The following DNAH6 variants were observed in gnomAD, a reference collection of about 807,000 sequenced individuals.
DNAH6 encodes the protein dynein axonemal heavy chain 6.
A neutral mutation model predicts 491.4 loss-of-function variants in DNAH6; 340 were observed. The ratio of observed to expected loss-of-function variants is 0.69; its 90% CI spans 0.63 to 0.76. The LOEUF (loss-of-function observed/expected upper bound fraction) is 0.76. DNAH6 is among the 30% of genes least tolerant of loss of function. DNAH6 has a pLI of 0.00. For missense variants in DNAH6, 4,443 were observed against 4,972.2 expected (o/e 0.89, Z 3.20); for synonymous variants, 1,603 against 1,686.1 (o/e 0.95, Z 1.21).
chr2:84,794,248 A>G (rs1234346986), intron 68 of DNAH6, among the ~76,000 whole-genome samples: 1 of 152,238 alleles, frequency 6.6e-6, no homozygotes, highest in Non-Finnish European at 1.5e-5. Context: ...AGGCATTACC[A>G]TTCAGGACAT....
chr2:84,799,465 G>A (rs769511483), intron 70 of DNAH6, among the ~76,000 whole-genome samples: 15 of 152,232 alleles, frequency 9.9e-5, no homozygotes, highest in African/African-American at 3.4e-4. Flanking sequence ...CCAGGTCAGG[G>A]AACATGAGCT....
At chr2:84,549,334 T>G (rs559206167) in intron 8 of DNAH6, among the ~76,000 whole-genome samples, 11 of 152,316 alleles carry the variant, frequency 7.2e-5, no homozygotes, top group African/African-American at 2.6e-4. Flanking sequence ...ATAGTGGACC[T>G]AGAAGTATTA....
Position 84,681,435 on chromosome 2 carries a change from G to C in DNAH6, c.6823G>C (p.Glu2275Gln). ...ATCAAGCATTGTAGAAGCCTCAGTT[G>C]AGATTTATAACAAAATGAGTGTTGA... ...TASSIVEASV[E>Q]IYNKMSVDLL... The change falls in exon 42 of 77, where the codon GAG (glutamate) becomes CAG (glutamine). Residue 2275 changes from glutamate to glutamine, a missense_variant. Physicochemically the swap from Glu to Gln is conservative, Grantham distance 29 (BLOSUM62 2). Transcript: ENST00000389394. 1 of 1,551,520 alleles carries C rather than the reference G, an allele frequency of 6.4e-7. No individual in the cohort carries two copies. The highest frequency in any genetic ancestry group is 8.7e-7 in the Non-Finnish European group (1 of 1,146,884).
the DNAH6 span, among the ~76,000 whole-genome samples, chr2:84,509,822 A>C: frequency 0.054 from 8,267 of 152,034 alleles, 354 homozygotes; most frequent in South Asian, 0.19. Flanking sequence ...TTTATTTCTC[A>C]TTCACTTATG....
At chr2:84,599,029 C>CAAAAAA (rs35322585) in intron 18 of DNAH6, among the ~76,000 whole-genome samples, 1 of 118,244 alleles carries the variant, frequency 8.5e-6, no homozygotes, top group African/African-American at 3.1e-5. Flanking sequence ...GACTCAGTTT[C>CAAAAAA]AAAAAAAAAA....
chr2:84,642,946 C>G (rs1318558086), intron 33 of DNAH6, among the ~76,000 whole-genome samples: 2 of 151,980 alleles, frequency 1.3e-5, no homozygotes, highest in Non-Finnish European at 2.9e-5. Flanking sequence ...TTCATTTTAC[C>G]TTCAATTATG....
intron 24 of DNAH6, among the ~76,000 whole-genome samples, chr2:84,620,964 A>G (rs1028118482): frequency 2.0e-5 from 3 of 152,234 alleles, no homozygotes; most frequent in African/African-American, 7.2e-5. Context: ...CATGCAGTGC[A>G]TATAGACTCC....
chr2:84,608,775 C>G (rs1573205731), intron 21 of DNAH6, among the ~76,000 whole-genome samples: 1 of 152,176 alleles, frequency 6.6e-6, no homozygotes, highest in East Asian at 1.9e-4. Flanking sequence ...GCATTTATCC[C>G]TAACATGAGT....
At chr2:84,628,438 C>T (rs1330796075) in intron 29 of DNAH6, among the ~76,000 whole-genome samples, 1 of 152,132 alleles carries the variant, frequency 6.6e-6, no homozygotes, top group Non-Finnish European at 1.5e-5. Flanking sequence ...GAGGAGGTTA[C>T]ACTACAGATC....
At chr2:84,702,127 G>A (rs1695968883) in intron 49 of DNAH6, among the ~76,000 whole-genome samples, 1 of 152,172 alleles carries the variant, frequency 6.6e-6, no homozygotes, top group African/African-American at 2.4e-5. Flanking sequence ...ATGTGCCAGT[G>A]GTTCCGACTA....
rs932884531 is a variant in DNAH6 at position 84,784,787 on chromosome 2, A to T, written c.10930A>T (p.Thr3644Ser). 1.3e-6 allele frequency: 2 copies of T among 1,549,646 alleles called. No individual in the cohort carries two copies. Among genetic ancestry groups the T allele is most frequent in the Non-Finnish European group, 1.7e-6 (2 of 1,145,370 alleles). The change falls in exon 66 of 77, where the codon ACA (threonine) becomes TCA (serine). Residue 3644 changes from threonine (T) to serine (S), a missense_variant. This residue lies in a region of DNAH6 where 1,463 missense variants were observed against 1,656.6 expected (regional missense o/e 0.88). Transcript: ENST00000389394. ...SSMPSNTFPV[T>S]VLQNSVKVTN... ...CATGCCTAGTAATACATTTCCTGTT[A>T]CAGTTCTTCAAAATTCTGTCAAGGT...
chr2:84,696,241 C>T (rs927900743), intron 46 of DNAH6, among the ~76,000 whole-genome samples: 4 of 151,618 alleles, frequency 2.6e-5, no homozygotes, highest in Non-Finnish European at 5.9e-5. Flanking sequence ...TAATCATATA[C>T]TAGATTTAAA....
chr2:84,602,159 G>A (rs12328387), intron 18 of DNAH6, among the ~76,000 whole-genome samples: 10,967 of 151,932 alleles, frequency 0.072, 1,305 homozygotes, highest in African/African-American at 0.25. Context: ...TACTTTACCA[G>A]TATTACATTT....
At chr2:84,684,174 C>G (rs1412303199) in intron 42 of DNAH6, among the ~76,000 whole-genome samples, 1 of 152,226 alleles carries the variant, frequency 6.6e-6, no homozygotes, top group Non-Finnish European at 1.5e-5. Context: ...CTTATACTAG[C>G]AGTTTAGTCC....
intron 33 of DNAH6, among the ~76,000 whole-genome samples, chr2:84,651,498 G>C (rs191815335): frequency 6.6e-6 from 1 of 152,192 alleles, no homozygotes; most frequent in African/African-American, 2.4e-5. Context: ...TTAGAGTAGA[G>C]CAGTTATTGC....
At position 84,557,442 on chromosome 2, in the gene DNAH6, C is replaced by T. The variant is rs534407665; in HGVS notation, c.1603-293C>T. On this transcript the variant is annotated intron_variant, in intron 10 of 76. Coordinates refer to ENST00000389394, the MANE Select transcript of DNAH6 (RefSeq NM_001370.2). ...CGGGTGGATCATGAGGTCAGGAGAT[C>T]GAGACCATCCTGGCTAACAAGGTGA... Among the ~76,000 whole-genome samples the T allele has an allele frequency of 4.4e-4, 67 of 150,844 alleles. 1 individual carries two copies. Among genetic ancestry groups the T allele is most frequent in the Middle Eastern group, 3.5e-3 (1 of 288 alleles).
At chr2:84,482,662 C>G in the DNAH6 span, among the ~76,000 whole-genome samples, 1 of 152,266 alleles carries the variant, frequency 6.6e-6, no homozygotes, top group South Asian at 2.1e-4. Flanking sequence ...AACTGCTACT[C>G]AGGAGGTAGC....
intron 7 of DNAH6, 118 bp downstream of exon 7, chr2:84,547,730 C>A: frequency 9.5e-7 from 1 of 1,053,352 alleles, no homozygotes; most frequent in Non-Finnish European, 1.3e-6. Flanking sequence ...TTGTTCCAAA[C>A]ATTTGATGGA....
intron 70 of DNAH6, among the ~76,000 whole-genome samples, chr2:84,802,627 A>G (rs190362657): frequency 6.6e-6 from 1 of 152,288 alleles, no homozygotes; most frequent in East Asian, 1.9e-4. Flanking sequence ...GGGGACTTCA[A>G]CACTCCACTG....
Sources: allele counts gnomAD v4.1 joint callset (sites outside exome capture counted in the v4.1 genomes callset), GRCh38; gene constraint gnomAD v4.1.1; regional missense constraint gnomAD v4.1.1; transcripts MANE v1.5; gene names NCBI Gene and HGNC (gene_info 2026-07-23, HGNC 2026-07-21).